The following AMDHD2 variants were observed in gnomAD, a reference collection of about 807,000 sequenced individuals.
The protein encoded by AMDHD2 is amidohydrolase domain containing 2, also known as N-acetylglucosamine-6-phosphate deacetylase.
Under a neutral mutation model 41.8 loss-of-function variants are expected in AMDHD2, and 24 were observed. The observed-to-expected ratio is 0.57, with a 90% CI of 0.42 to 0.81. The LOEUF (loss-of-function observed/expected upper bound fraction) is 0.81, where lower values mean the gene tolerates loss of function less well. Ranked by LOEUF, AMDHD2 falls within the 30% of genes least tolerant of loss-of-function variation. The pLI is 0.00. For missense variants in AMDHD2, 540 were observed against 588.5 expected, an observed-to-expected ratio of 0.92 and a Z score of 0.85; for synonymous variants, 332 against 255.5, an observed-to-expected ratio of 1.30 and a Z score of -2.85.
chr16:2,523,271 C>T (rs1193770173), intron 3 of AMDHD2, among the ~76,000 whole-genome samples: 2 of 152,184 alleles, frequency 1.3e-5, no homozygotes, highest in African/African-American at 4.8e-5. Context: ...TCCAGAGCCC[C>T]CGCCGTTTTC....
chr16:2,527,513 T>C lies in AMDHD2; in HGVS notation c.361-48T>C. On this transcript the variant is annotated intron_variant, in intron 3 of 10. Coordinates refer to ENST00000293971, the MANE Select transcript of AMDHD2 (RefSeq NM_001330449.2). This position sits in a 1 kb window ranked among gnomAD's most constrained non-coding sequence, Gnocchi z 6.1. ...CTGGCCTTGGCTAGGCTGTGGCCTC[T>C]GGGAATGGGCTGTGGGGGACAGGGC... 6.3e-7 allele frequency: 1 copy of C among 1,591,162 alleles called. No homozygotes were observed. The highest frequency in any genetic ancestry group is 1.1e-5 in the South Asian group (1 of 87,560).
Position 2,529,642 on chromosome 16 carries a change from G to A in AMDHD2, c.*79G>A. On this transcript the variant is annotated 3_prime_UTR_variant, in exon 11 of 11. Coordinates refer to ENST00000293971, the MANE Select transcript of AMDHD2 (RefSeq NM_001330449.2). ...GGTGGTTGGGGAGCTGGTCTCCAGG[G>A]AGTGAGTCGGGAGCCCTGCTGGATT... The A allele has an allele frequency of 6.3e-7, 1 of 1,588,146 alleles. No individual in the cohort carries two copies.
chr16:2,526,803 G>A (rs758640974), intron 3 of AMDHD2, among the ~76,000 whole-genome samples: 25 of 152,136 alleles, frequency 1.6e-4, no homozygotes, highest in Admixed American at 2.6e-4. Context: ...GGTCGTGCAC[G>A]CCTGTAATCC....
Position 2,530,421 on chromosome 16 carries a change from C to G in AMDHD2, c.*858C>G. 6.2e-7 allele frequency: 1 copy of G among 1,614,218 alleles called. No homozygotes were observed. The highest frequency in any genetic ancestry group is 8.5e-7 in the Non-Finnish European group (1 of 1,180,032). ...AACACGGGCCGTGAGGCTCCCTGAACAGCTTCGAGGCGGGTGGGCTTCTGG... is the reference window on the plus strand; with the variant it reads ...AACACGGGCCGTGAGGCTCCCTGAAGAGCTTCGAGGCGGGTGGGCTTCTGG... On this transcript the variant is annotated 3_prime_UTR_variant, in exon 11 of 11. Coordinates refer to ENST00000293971, the MANE Select transcript of AMDHD2 (RefSeq NM_001330449.2).
intron 3 of AMDHD2, among the ~76,000 whole-genome samples, chr16:2,524,199 TG>T (rs1271006628): frequency 6.6e-6 from 1 of 152,256 alleles, no homozygotes; most frequent in African/African-American, 2.4e-5. Context: ...CCACTCACCC[TG>T]GGTGGAATTG....
chr16:2,526,550 C>T (rs1054203538), intron 3 of AMDHD2, among the ~76,000 whole-genome samples: 6 of 152,096 alleles, frequency 3.9e-5, no homozygotes, highest in African/African-American at 9.7e-5. Flanking sequence ...CAGACCTGCC[C>T]AGTGTCCCTC....
chr16:2,531,200 C>T lies in AMDHD2; in HGVS notation c.*1637C>T, dbSNP rs2066091611. On this transcript the variant is annotated 3_prime_UTR_variant, in exon 11 of 11. Coordinates refer to ENST00000293971, the MANE Select transcript of AMDHD2 (RefSeq NM_001330449.2). The stretch of plus-strand genomic sequence containing the variant: ...GCCCCATTCACCGGCCAGCGCCCCA[C>T]CTCCCTGGCTGGAGGGTCGGGGAGG... 9 of 1,276,894 alleles carry T rather than the reference C, an allele frequency of 7.0e-6. No homozygotes were observed. The highest frequency in any genetic ancestry group is 9.6e-6 in the Non-Finnish European group (9 of 934,882). 79.1% of individuals were successfully genotyped at this position (1,276,894 alleles called of 1,614,324 possible).
chr16:2,529,360 T>C, intron 10 of AMDHD2, 115 bp from the exon 11 acceptor site: 1 of 1,499,944 alleles, frequency 6.7e-7, no homozygotes, highest in South Asian at 1.2e-5. Flanking sequence ...TGTCTTGCAC[T>C]AGTCGTGTCC....
chr16:2,521,815 G>A (rs1169595950), intron 3 of AMDHD2, among the ~76,000 whole-genome samples: 4 of 123,370 alleles, frequency 3.2e-5, no homozygotes, highest in African/African-American at 9.7e-5. Context: ...ACGGAGTCTC[G>A]CTCTGTCGCC....
chr16:2,521,107 C>A lies in AMDHD2; in HGVS notation c.344C>A (p.Pro115Gln), dbSNP rs147129473. 5.7e-6 allele frequency: 9 copies of A among 1,588,198 alleles called. No individual in the cohort carries two copies. In the East Asian group the frequency reaches 1.1e-4, roughly 20 times the overall value. ...SFCPTLVTSP[P>Q]EVYHKVVPQI... is the part of the protein sequence containing the mutation. ...TGCCCCACCCTGGTCACTTCCCCAC[C>A]GGAGGTTTATCACAAGGTGAGGTGA... The change falls in exon 3 of 11, where the codon CCG becomes CAG. Residue 115 changes from proline (P) to glutamine (Q), a missense_variant. Transcript: ENST00000293971.
chr16:2,531,156 C>T lies in AMDHD2; in HGVS notation c.*1593C>T. The T allele has an allele frequency of 6.7e-7, 1 of 1,501,170 alleles. No individual in the cohort carries two copies. The highest frequency in any genetic ancestry group is 8.9e-7 in the Non-Finnish European group (1 of 1,118,856). The allele number at this position is 1,501,170 out of a possible 1,614,324, so 93.0% of individuals were successfully genotyped here. On this transcript the variant is annotated 3_prime_UTR_variant, in exon 11 of 11. Transcript: ENST00000293971. ...AGTCCAGAGCTGGTGAGCCCTGGGC[C>T]AGCCTTTGGGCCTGGCCTGCCCCAT... is the stretch of plus-strand genomic sequence containing the variant.
chr16:2,520,866 C>G lies in AMDHD2; in HGVS notation c.181C>G (p.Arg61Gly), dbSNP rs542669611. ...CGACGAGCGGCGGGACTGCGGGGGC[C>G]GCATCTTGGCTCCCGGATTCATCGA... ...VADERRDCGG[R>G]ILAPGFIDVQ... Residue 61 changes from arginine (R) to glycine (G), a missense_variant, in exon 2 of 11, where the codon CGC becomes GGC. Coordinates refer to ENST00000293971, the MANE Select transcript of AMDHD2 (RefSeq NM_001330449.2). 1 of 1,608,726 alleles carries G rather than the reference C, an allele frequency of 6.2e-7. No homozygotes were observed. The highest frequency in any genetic ancestry group is 8.5e-7 in the Non-Finnish European group (1 of 1,177,670).
intron 9 of AMDHD2, 111 bp from the exon 10 acceptor site, chr16:2,528,883 C>T (rs1000632820): frequency 2.5e-5 from 37 of 1,465,368 alleles, no homozygotes; most frequent in South Asian, 3.7e-5. Context: ...CAGCAGGGTC[C>T]TTGTTAGCCT....
intron 5 of AMDHD2, 35 bp downstream of exon 5, chr16:2,528,020 G>C (rs1162814852): frequency 6.2e-7 from 1 of 1,610,840 alleles, no homozygotes; most frequent in Non-Finnish European, 8.5e-7. Flanking sequence ...CTGCTTGGGG[G>C]ACCTGGGCCA....
Position 2,530,054 on chromosome 16 carries a change from C to G in AMDHD2, c.*491C>G. 1 of 833,188 alleles carries G rather than the reference C, an allele frequency of 1.2e-6. No homozygotes were observed. The allele number at this position is 833,188 out of a possible 1,614,324, so 51.6% of individuals were successfully genotyped here. ...ACAGTCAGGGGTTTGCTTTCTGCTC[C>G]TGAGTTGGGGTGTGCAGCGTGGAGC... On this transcript the variant is annotated 3_prime_UTR_variant, in exon 11 of 11. Transcript: ENST00000293971.
At position 2,527,531 on chromosome 16, in the gene AMDHD2, G is replaced by C; in HGVS notation, c.361-30G>C. ...TGGCCTCTGGGAATGGGCTGTGGGG[G>C]ACAGGGCTTTAACAGCTGGTTCCCC... On this transcript the variant is annotated intron_variant, in intron 3 of 10. Transcript: ENST00000293971. This position sits in a 1 kb window ranked among gnomAD's most constrained non-coding sequence, Gnocchi z 6.1. 6.2e-7 allele frequency: 1 copy of C among 1,604,750 alleles called. No individual in the cohort carries two copies. Among genetic ancestry groups the C allele is most frequent in the Non-Finnish European group, 8.5e-7 (1 of 1,176,118 alleles).
chr16:2,521,134 G>A lies in AMDHD2; in HGVS notation c.360+11G>A, dbSNP rs772659041. On this transcript the variant is annotated intron_variant, in intron 3 of 10. Transcript: ENST00000293971. The stretch of plus-strand genomic sequence containing the variant: ...GAGGTTTATCACAAGGTGAGGTGAG[G>A]CTCCCTGGCTGAGGTGGAGGGGGCT... 1.3e-6 allele frequency: 2 copies of A among 1,557,112 alleles called. No individual in the cohort carries two copies. Among genetic ancestry groups the A allele is most frequent in the Admixed American group, 1.9e-5 (1 of 53,222 alleles).
Position 2,530,199 on chromosome 16 carries a change from G to A in AMDHD2, c.*636G>A, listed in dbSNP as rs945056146. On this transcript the variant is annotated 3_prime_UTR_variant, in exon 11 of 11. Coordinates refer to ENST00000293971, the MANE Select transcript of AMDHD2 (RefSeq NM_001330449.2). ...TGGACTGCCTAGCCCTGAGTGCCAC[G>A]GATGACCAGCGTTCTGTTTTCTCTT... 2.9e-5 allele frequency: 44 copies of A among 1,503,408 alleles called. No individual in the cohort carries two copies. The highest frequency in any genetic ancestry group is 1.5e-4 in the African/African-American group (11 of 72,710). The allele number at this position is 1,503,408 out of a possible 1,614,324, so 93.1% of individuals were successfully genotyped here.
intron 3 of AMDHD2, among the ~76,000 whole-genome samples, chr16:2,523,831 G>A (rs1395690295): frequency 6.6e-6 from 1 of 152,002 alleles, no homozygotes; most frequent in Non-Finnish European, 1.5e-5. Flanking sequence ...CCCCACTCCT[G>A]CCCCCAAACT....
Sources: allele counts gnomAD v4.1 joint callset (sites outside exome capture counted in the v4.1 genomes callset), GRCh38; gene constraint gnomAD v4.1.1; non-coding constraint Gnocchi (gnomAD v3.1); transcripts MANE v1.5; gene names NCBI Gene and HGNC (gene_info 2026-07-23, HGNC 2026-07-21).